TTC7A: variants seen among roughly 807,000 people sequenced by gnomAD.
The protein encoded by TTC7A is tetratricopeptide repeat domain 7A.
Under a neutral mutation model 103.7 loss-of-function variants are expected in TTC7A, and 110 were observed. That is an observed-to-expected ratio of 1.06 (90% CI 0.91 to 1.24). The LOEUF is 1.24. Ranked by LOEUF, TTC7A falls within the 50% of genes most tolerant of loss-of-function variation. The pLI, the probability that TTC7A is intolerant of heterozygous loss-of-function variation, is 0.00. For missense variants in TTC7A, 1,340 were observed against 1,116.3 expected (o/e 1.20, Z -2.86); for synonymous variants, 521 against 467.9 (o/e 1.11, Z -1.47).
At chr2:46,993,196 G>GTAAA (rs1197366190) in intron 5 of TTC7A, among the ~76,000 whole-genome samples, 1 of 152,252 alleles carries the variant, frequency 6.6e-6, no homozygotes, top group Non-Finnish European at 1.5e-5. Context: ...CCCTTTGGTG[G>GTAAA]TAAACCGGAA....
intron 2 of TTC7A, among the ~76,000 whole-genome samples, chr2:46,923,657 C>T (rs1239085770): frequency 6.6e-6 from 1 of 152,026 alleles, no homozygotes; most frequent in African/African-American, 2.4e-5. Context: ...CTTGGGAGGC[C>T]GAGACAGGAG....
chr2:46,966,910 T>C (rs979281364), intron 3 of TTC7A, among the ~76,000 whole-genome samples: 1 of 151,462 alleles, frequency 6.6e-6, no homozygotes, highest in African/African-American at 2.4e-5. Context: ...GTTTTTTTTT[T>C]TTCCGTTAAA....
chr2:47,024,966 G>A (rs1206216878), intron 14 of TTC7A, among the ~76,000 whole-genome samples: 1 of 152,146 alleles, frequency 6.6e-6, no homozygotes, highest in Admixed American at 6.5e-5. Context: ...TTACTTTCCT[G>A]TGGCGCCTCA....
At chr2:46,983,152 G>C (rs916248627) in intron 5 of TTC7A, among the ~76,000 whole-genome samples, 1 of 152,176 alleles carries the variant, frequency 6.6e-6, no homozygotes, top group African/African-American at 2.4e-5. Context: ...CAGGGAGGTG[G>C]TGGTGTCTCT....
intron 11 of TTC7A, 105 bp from the exon 12 acceptor site, chr2:47,021,757 A>G (rs1679309775): frequency 1.2e-6 from 1 of 865,376 alleles, no homozygotes; most frequent in Admixed American, 1.9e-5. Context: ...AGGCCCTGTG[A>G]CCTTGAGCAC....
intron 1 of TTC7A, among the ~76,000 whole-genome samples, chr2:46,949,467 A>G (rs892104259): frequency 2.6e-5 from 4 of 152,246 alleles, no homozygotes; most frequent in African/African-American, 9.6e-5. Flanking sequence ...TCCTGACCTC[A>G]AGTGATCTGC....
At chr2:47,017,205 A>G (rs1465127398) in intron 11 of TTC7A, among the ~76,000 whole-genome samples, 1 of 138,340 alleles carries the variant, frequency 7.2e-6, no homozygotes. Context: ...TGTCTCAAAA[A>G]AAAAAAAAAA....
intron 2 of TTC7A, among the ~76,000 whole-genome samples, chr2:46,917,846 G>T (rs538125581): frequency 3.3e-5 from 5 of 152,092 alleles, no homozygotes; most frequent in African/African-American, 7.2e-5. Context: ...TTCTTCTCTT[G>T]TTTTCTGACA....
At chr2:47,068,218 C>T (rs1189381924) in intron 19 of TTC7A, 1 of 152,320 alleles carries the variant, frequency 6.6e-6, no homozygotes, top group South Asian at 2.1e-4. Flanking sequence ...TGAGGAATGA[C>T]ACTCAGTGCC....
chr2:47,058,771 C>T (rs528164908), intron 18 of TTC7A, among the ~76,000 whole-genome samples: 3 of 152,282 alleles, frequency 2.0e-5, no homozygotes, highest in East Asian at 1.9e-4. Context: ...AAGTGCCTAC[C>T]GTGGGGTGTG....
At chr2:46,974,869 A>G in intron 3 of TTC7A, 104 bp from the exon 4 acceptor site, 4 of 1,483,442 alleles carry the variant, frequency 2.7e-6, no homozygotes, top group Non-Finnish European at 3.7e-6. Flanking sequence ...TGGCTGCACC[A>G]GAGTGTCTGC....
At chr2:47,059,469 C>G (rs1416659226) in intron 18 of TTC7A, among the ~76,000 whole-genome samples, 2 of 152,202 alleles carry the variant, frequency 1.3e-5, no homozygotes, top group East Asian at 3.9e-4. Context: ...GTTACCAACA[C>G]TGCCTGGTTT....
chr2:47,034,764 C>T (rs560428100), intron 15 of TTC7A, among the ~76,000 whole-genome samples: 44 of 152,320 alleles, frequency 2.9e-4, no homozygotes, highest in African/African-American at 9.9e-4. Context: ...GAACCTCCGT[C>T]GGTCAGGGTA....
chr2:46,964,962 C>A lies in TTC7A; in HGVS notation c.517+7955C>A, dbSNP rs891074771. Among the ~76,000 whole-genome samples, 12 of 152,200 alleles carry A rather than the reference C, an allele frequency of 7.9e-5. 1 individual carries two copies. The highest frequency in any genetic ancestry group is 2.0e-4 in the Admixed American group (3 of 15,284). On this transcript the variant is annotated intron_variant, in intron 3 of 19. Transcript: ENST00000319190. The stretch of plus-strand genomic sequence containing the variant: ...CTGCCCCCAGCGTCAGCCTGGCCGG[C>A]TCGCGTTCTCCTTCACCTCACACCC...
chr2:47,032,134 G>T (rs1291549446), intron 15 of TTC7A, among the ~76,000 whole-genome samples: 1 of 152,238 alleles, frequency 6.6e-6, no homozygotes, highest in Non-Finnish European at 1.5e-5. Flanking sequence ...AGTGCCGTTG[G>T]TCAGGGGCTG....
At chr2:46,917,925 A>G (rs773980978) in intron 2 of TTC7A, among the ~76,000 whole-genome samples, 1 of 152,158 alleles carries the variant, frequency 6.6e-6, no homozygotes, top group Non-Finnish European at 1.5e-5. Flanking sequence ...TGGCTTCTCA[A>G]TCTATAATTA....
chr2:47,027,709 C>T (rs1202244988), intron 14 of TTC7A, among the ~76,000 whole-genome samples: 1 of 152,152 alleles, frequency 6.6e-6, no homozygotes, highest in East Asian at 1.9e-4. Flanking sequence ...GTGGGGGCTG[C>T]CTCAGGCAGG....
intron 3 of TTC7A, chr2:46,958,404 A>C: frequency 9.8e-7 from 1 of 1,022,698 alleles, no homozygotes; most frequent in Non-Finnish European, 1.4e-6. Flanking sequence ...CCTGAGCGGA[A>C]CCCCCTTCCT....
At chr2:46,951,537 C>T (rs974552454) in intron 2 of TTC7A, 6 of 453,310 alleles carry the variant, frequency 1.3e-5, no homozygotes, top group Non-Finnish European at 2.6e-5. Context: ...CCCTTCCTTC[C>T]TTGCTTCCTT....
Sources: allele counts gnomAD v4.1 joint callset (sites outside exome capture counted in the v4.1 genomes callset), GRCh38; gene constraint gnomAD v4.1.1; transcripts MANE v1.5; gene names NCBI Gene and HGNC (gene_info 2026-07-23, HGNC 2026-07-21).